Variants in SEMA3D observed in about 807,000 individuals in gnomAD.
SEMA3D encodes the protein semaphorin-3D.
A neutral mutation model predicts 100.1 loss-of-function variants in SEMA3D; 84 were observed. That is an observed-to-expected ratio of 0.84 (90% CI 0.70 to 1.01). The LOEUF (loss-of-function observed/expected upper bound fraction) is 1.01, where lower values mean the gene tolerates loss of function less well. Among genes scored for constraint, SEMA3D ranks in the 50% least tolerant of loss-of-function variants. The pLI is 0.00. For synonymous variants in SEMA3D, 312 were observed against 320.7 expected, an observed-to-expected ratio of 0.97 and a Z score of 0.29; for missense variants, 875 against 934.1, an observed-to-expected ratio of 0.94 and a Z score of 0.82.
chr7:85,099,809 G>A (rs1433722650), intron 3 of SEMA3D, among the ~76,000 whole-genome samples: 1 of 151,696 alleles, frequency 6.6e-6, no homozygotes, highest in African/African-American at 2.4e-5. Flanking sequence ...ACGCTTATTT[G>A]CCATCTGTAT....
At chr7:85,097,167 C>T (rs1788585061) in intron 4 of SEMA3D, among the ~76,000 whole-genome samples, 1 of 151,740 alleles carries the variant, frequency 6.6e-6, no homozygotes, top group Admixed American at 6.6e-5. Flanking sequence ...GGGTTTCACA[C>T]TGGTGGTTGA....
chr7:85,077,772 T>C (rs1787919258), intron 5 of SEMA3D, among the ~76,000 whole-genome samples: 1 of 152,144 alleles, frequency 6.6e-6, no homozygotes, highest in Non-Finnish European at 1.5e-5. Context: ...TAAGAGCATA[T>C]GAGGCATAAA....
chr7:85,086,586 C>A (rs1315562551), intron 4 of SEMA3D, among the ~76,000 whole-genome samples: 2 of 151,312 alleles, frequency 1.3e-5, no homozygotes, highest in African/African-American at 4.9e-5. Flanking sequence ...TAACAGCATT[C>A]CACTATTTTC....
chr7:85,244,748 G>A, the SEMA3D span, among the ~76,000 whole-genome samples: 1 of 125,720 alleles, frequency 8.0e-6, no homozygotes, highest in Non-Finnish European at 1.6e-5. Flanking sequence ...GTCTCACTCT[G>A]TTGTCAGGCT....
upstream of SEMA3D, among the ~76,000 whole-genome samples, chr7:85,190,750 A>C: frequency 6.6e-6 from 1 of 152,138 alleles, no homozygotes; most frequent in East Asian, 1.9e-4. Flanking sequence ...AAAGACAGAA[A>C]ACAGTTTATC....
At chr7:85,243,356 G>A in the SEMA3D span, among the ~76,000 whole-genome samples, 2 of 152,060 alleles carry the variant, frequency 1.3e-5, no homozygotes, top group Admixed American at 1.3e-4. Flanking sequence ...GGCTCCCCAT[G>A]AGTGGAGTTT....
chr7:85,169,107 T>A (rs1791014511), intron 1 of SEMA3D, among the ~76,000 whole-genome samples: 2 of 151,674 alleles, frequency 1.3e-5, no homozygotes, highest in South Asian at 4.1e-4. Flanking sequence ...TAGAAAAAAA[T>A]TATTTTATCA....
intron 1 of SEMA3D, among the ~76,000 whole-genome samples, chr7:85,160,639 T>G (rs1790721335): frequency 6.6e-6 from 1 of 152,032 alleles, no homozygotes; most frequent in Non-Finnish European, 1.5e-5. Context: ...TAAACAGGAC[T>G]GGTGGGACTG....
chr7:85,153,202 AT>A (rs2116496171), intron 2 of SEMA3D, among the ~76,000 whole-genome samples: 1 of 152,216 alleles, frequency 6.6e-6, no homozygotes, highest in East Asian at 1.9e-4. Context: ...GTTTGAAAAA[AT>A]AAACTCTAAT....
At chr7:85,073,902 A>C (rs1220176139) in intron 5 of SEMA3D, among the ~76,000 whole-genome samples, 1 of 152,322 alleles carries the variant, frequency 6.6e-6, no homozygotes, top group East Asian at 1.9e-4. Flanking sequence ...TTATGCCTAA[A>C]AATATTTCTT....
At chr7:85,246,713 T>C in the SEMA3D span, among the ~76,000 whole-genome samples, 232 of 152,070 alleles carry the variant, frequency 1.5e-3, 2 homozygotes, top group South Asian at 0.023. Flanking sequence ...TAATATCTAG[T>C]AAATTTGAAG....
rs1788774018 is a variant in SEMA3D at position 85,102,324 on chromosome 7, A to G, written c.152-4359T>C. On this transcript the variant is annotated intron_variant, in intron 3 of 18. Transcript: ENST00000284136. ...TGCACGTACATACTGCACTTCTACTATGTCTCCTACTCTGGAGTGTGACCT... is the reference window on the plus strand; with the variant it reads ...TGCACGTACATACTGCACTTCTACTGTGTCTCCTACTCTGGAGTGTGACCT... 2.6e-5 allele frequency among the ~76,000 whole-genome samples: 4 copies of G among 151,984 alleles called. No individual in the cohort carries two copies. In the South Asian group the frequency reaches 6.2e-4, roughly 24 times the overall value.
chr7:85,155,168 A>C (rs1320779634), intron 1 of SEMA3D, among the ~76,000 whole-genome samples: 2 of 152,070 alleles, frequency 1.3e-5, no homozygotes, highest in Non-Finnish European at 1.5e-5. Flanking sequence ...TTATTATCAC[A>C]CTATGCATTC....
At chr7:85,048,479 C>A (rs956921523) in intron 9 of SEMA3D, among the ~76,000 whole-genome samples, 4 of 151,764 alleles carry the variant, frequency 2.6e-5, no homozygotes, top group African/African-American at 7.2e-5. Context: ...CCCCAAGAGA[C>A]TCATTAGAAG....
intron 2 of SEMA3D, chr7:85,141,774 G>T: frequency 1.2e-6 from 1 of 804,696 alleles, no homozygotes; most frequent in Non-Finnish European, 1.5e-6. Context: ...TTTTTGCCAA[G>T]TCTCATAAAT....
At chr7:85,144,631 C>G (rs1790149171) in intron 2 of SEMA3D, 2 of 984,550 alleles carry the variant, frequency 2.0e-6, no homozygotes. Flanking sequence ...ACATTTTTTC[C>G]TTTGGGAACT....
At chr7:85,103,609 T>G (rs898505294) in intron 3 of SEMA3D, among the ~76,000 whole-genome samples, 4 of 152,006 alleles carry the variant, frequency 2.6e-5, no homozygotes, top group Non-Finnish European at 5.9e-5. Context: ...CCCTAAACCT[T>G]TGACCTAATC....
At chr7:85,203,519 A>G in the SEMA3D span, among the ~76,000 whole-genome samples, 1 of 152,188 alleles carries the variant, frequency 6.6e-6, no homozygotes, top group Non-Finnish European at 1.5e-5. Context: ...TTTGAGCAAG[A>G]TCTTGCAGGA....
chr7:85,012,762 C>T lies in SEMA3D; in HGVS notation c.1768+20G>A, dbSNP rs1421074117. On this transcript the variant is annotated intron_variant, in intron 17 of 18. Transcript: ENST00000284136. The stretch of plus-strand genomic sequence containing the variant: ...TTAGCATTTTAAATGGGAGAAAAAG[C>T]ATATCAGAGCTGTACTTACTGTCTT... 3 of 1,587,618 alleles carry T rather than the reference C, an allele frequency of 1.9e-6. No homozygotes were observed. The highest frequency in any genetic ancestry group is 4.5e-5 in the East Asian group (2 of 44,564).
Sources: gnomAD v4.1 joint callset for allele counts (sites outside exome capture counted in the v4.1 genomes callset) on GRCh38, gnomAD v4.1.1 for gene constraint, MANE v1.5 for transcripts, NCBI Gene and HGNC (gene_info 2026-07-23, HGNC 2026-07-21) for gene names.